Variants in ABCC6 observed in about 807,000 individuals in gnomAD.
ABCC6 encodes ATP-binding cassette sub-family C member 6.
Under a neutral mutation model 169.5 loss-of-function variants are expected in ABCC6, and 126 were observed. The observed-to-expected ratio is 0.74, with a 90% CI of 0.64 to 0.86. ABCC6 has a LOEUF of 0.86. ABCC6 is among the 40% of genes least tolerant of loss of function. The probability of loss-of-function intolerance (pLI) is 0.00; values close to 1 mark genes in which losing one functional copy is unlikely to be tolerated. For missense variants in ABCC6, 1,733 were observed against 1,927.2 expected (o/e 0.90, Z 1.89); for synonymous variants, 752 against 814.7 (o/e 0.92, Z 1.31).
Position 16,178,984 on chromosome 16 carries a change from C to G in ABCC6, c.2248-19G>C, listed in dbSNP as rs191392093. The G allele has an allele frequency of 1.9e-4, 310 of 1,610,962 alleles. No homozygotes were observed. The Middle Eastern group carries it at 2.5e-3, about 13-fold the overall frequency. On this transcript the variant is annotated intron_variant, in intron 17 of 30. Coordinates refer to ENST00000205557, the MANE Select transcript of ABCC6 (RefSeq NM_001171.6). Reference sequence around the variant, plus strand: ...TCATGCCCTGTGGCCACAAAAGGAACAGTGGCCTGAGTCAGCATCTACAGG... The same window carrying G: ...TCATGCCCTGTGGCCACAAAAGGAAGAGTGGCCTGAGTCAGCATCTACAGG...
rs1186406159 is a variant in ABCC6 at position 16,157,753 on chromosome 16, C to G, written c.3792G>C (p.Gln1264His). Reference sequence around the variant, plus strand: ...TTAGCCCAAAGTCCCGGAACTCGATCTGCCCGCCCTGAGGCCAGGGGGGCT... The same window carrying G: ...TTAGCCCAAAGTCCCGGAACTCGATGTGCCCGCCCTGAGGCCAGGGGGGCT... ...AAQPPWPQGG[Q>H]IEFRDFGLRY... The change falls in exon 27 of 31, where the codon CAG becomes CAC. Residue 1264 changes from glutamine (Q) to histidine (H), a missense_variant. By Grantham distance (24) the Gln-to-His change is conservative (BLOSUM62 0). Transcript: ENST00000205557. 1.2e-6 allele frequency: 2 copies of G among 1,613,884 alleles called. No individual in the cohort carries two copies. The highest frequency in any genetic ancestry group is 1.7e-5 in the Admixed American group (1 of 60,020).
intron 25 of ABCC6, 149 bp downstream of exon 25, chr16:16,161,289 C>T: frequency 8.1e-7 from 1 of 1,230,702 alleles, no homozygotes; most frequent in Non-Finnish European, 1.1e-6. Context: ...GAGTCTGGCT[C>T]TTGTAGAGCT....
At position 16,211,416 on chromosome 16, in the gene ABCC6, T is replaced by A. The variant is rs539410995; in HGVS notation, c.662+769A>T. Among the ~76,000 whole-genome samples, 8 of 152,042 alleles carry A rather than the reference T, an allele frequency of 5.3e-5. No homozygotes were observed. In the South Asian group the frequency reaches 6.2e-4, roughly 12 times the overall value. ...AACTCCATCTCAAAAGAAAAAAAAA[T>A]AATTACCACTTAAACTCATTATTTG... On this transcript the variant is annotated intron_variant, in intron 6 of 30. Transcript: ENST00000205557.
intron 27 of ABCC6, chr16:16,155,336 A>C: frequency 4.2e-6 from 2 of 470,884 alleles, no homozygotes; most frequent in Non-Finnish European, 7.6e-6. Context: ...ATCATCTCTC[A>C]TCCTTTTTTC....
chr16:16,210,462 G>A (rs1000295692), intron 6 of ABCC6, among the ~76,000 whole-genome samples: 27 of 152,272 alleles, frequency 1.8e-4, no homozygotes, highest in Non-Finnish European at 2.2e-4. Flanking sequence ...CTAATGCAGA[G>A]CCAACTTGGG....
intron 22 of ABCC6, 122 bp downstream of exon 22, chr16:16,169,524 C>G: frequency 8.5e-7 from 1 of 1,174,636 alleles, no homozygotes; most frequent in Admixed American, 2.0e-5. Flanking sequence ...GCCTGGACCC[C>G]AGACGTTTTG....
At chr16:16,187,871 T>G (rs889671586) in intron 13 of ABCC6, among the ~76,000 whole-genome samples, 1 of 151,622 alleles carries the variant, frequency 6.6e-6, no homozygotes, top group Non-Finnish European at 1.5e-5. Flanking sequence ...CACTCCAGCC[T>G]GGGTGACAGA....
intron 24 of ABCC6, among the ~76,000 whole-genome samples, 190 bp from the exon 25 acceptor site, chr16:16,161,754 G>A (rs1364516854): frequency 1.3e-5 from 2 of 152,064 alleles, no homozygotes; most frequent in Non-Finnish European, 2.9e-5. Context: ...CCCACTTTAG[G>A]GTCTGGGGTA....
At chr16:16,157,508 G>A (rs2046587708) in intron 27 of ABCC6, among the ~76,000 whole-genome samples, 155 bp downstream of exon 27, 1 of 152,188 alleles carries the variant, frequency 6.6e-6, no homozygotes, top group Non-Finnish European at 1.5e-5. Flanking sequence ...TTTGGGGAAG[G>A]TGAGGAGTTC....
chr16:16,189,015 G>T (rs769169683), intron 12 of ABCC6, 41 bp from the exon 13 acceptor site: 3 of 1,610,214 alleles, frequency 1.9e-6, no homozygotes, highest in Non-Finnish European at 2.5e-6. Context: ...AGTGAGACAC[G>T]CAAGCATGGA....
chr16:16,192,693 T>G (rs2047902259), intron 11 of ABCC6, 137 bp downstream of exon 11: 1 of 786,376 alleles, frequency 1.3e-6, no homozygotes, highest in African/African-American at 1.7e-5. Context: ...GTCTGAGTGA[T>G]GGGCAGCTCA....
intron 7 of ABCC6, among the ~76,000 whole-genome samples, chr16:16,206,347 G>T (rs144396364): frequency 6.6e-6 from 1 of 152,094 alleles, no homozygotes; most frequent in Non-Finnish European, 1.5e-5. Context: ...GGTGGAGGCC[G>T]GGCACGGTGG....
Position 16,163,168 on chromosome 16 carries a change from G to T in ABCC6, c.3331C>A (p.Gln1111Lys). The change falls in exon 24 of 31, where the codon CAG becomes AAG. Residue 1111 changes from glutamine to lysine, a missense_variant. Around this residue, in one of 5 missense-constraint regions of ABCC6, gnomAD observed 1,601 missense variants for 1,635.5 expected, o/e 0.98. Transcript: ENST00000205557. ...CTGGCTGACTCCAAGCGTCTCAGCT[G>T]GCATGAGCTAACCACATACAGGCTC... is the stretch of plus-strand genomic sequence containing the variant. ...FQSLYVVSSC[Q>K]LRRLESASYS... The T allele has an allele frequency of 6.2e-7, 1 of 1,613,574 alleles. No homozygotes were observed.
At chr16:16,161,115 C>G (rs537811905) in intron 25 of ABCC6, among the ~76,000 whole-genome samples, 1 of 152,290 alleles carries the variant, frequency 6.6e-6, no homozygotes, top group South Asian at 2.1e-4. Flanking sequence ...CAAAACAAAA[C>G]AAAAGTTAAC....
intron 23 of ABCC6, among the ~76,000 whole-genome samples, chr16:16,163,519 G>A (rs753242351): frequency 1.2e-4 from 19 of 152,160 alleles, no homozygotes; most frequent in Non-Finnish European, 2.2e-4. Context: ...GACAGCCAGG[G>A]TTGAGAAACC....
rs1489592450 is a variant in ABCC6, at chr16:16,157,809, C to G, written c.3736G>C (p.Ala1246Pro). 1 of 1,609,848 alleles carries G rather than the reference C, an allele frequency of 6.2e-7. No homozygotes were observed. The highest frequency in any genetic ancestry group is 1.7e-5 in the Admixed American group (1 of 59,966). Residue 1246 changes from alanine (A) to proline (P), a missense_variant and splice_region_variant, in exon 27 of 31, where the codon GCT becomes CCT. Physicochemically the swap from Ala to Pro is conservative, Grantham distance 27. This residue lies in a region of ABCC6 where 1,601 missense variants were observed against 1,635.5 expected (regional missense o/e 0.98). Coordinates refer to ENST00000205557, the MANE Select transcript of ABCC6 (RefSeq NM_001171.6). ...GCACATGTGGGCAGCCTCCAGGGAGCCTGGAGCAGGAGGGGAAACTGAGTC... is the reference window on the plus strand; with the variant it reads ...GCACATGTGGGCAGCCTCCAGGGAGGCTGGAGCAGGAGGGGAAACTGAGTC... Reference protein sequence around the residue: ...MQDYAWTPKEAPWRLPTCAAQ... With the variant: ...MQDYAWTPKEPPWRLPTCAAQ...
rs1004385141 is a variant in ABCC6, at chr16:16,196,753, G to C, written c.1338+1268C>G. Among the ~76,000 whole-genome samples, 22 of 152,174 alleles carry C rather than the reference G, an allele frequency of 1.4e-4. 1 individual carries two copies. The highest frequency in any genetic ancestry group is 5.1e-4 in the African/African-American group (21 of 41,434). On this transcript the variant is annotated intron_variant, in intron 10 of 30. Transcript: ENST00000205557. ...GTCTCACTCTGTCACCCAGGCTGGAGTGCAGTGGCATTATCTCAGCTCACT... is the reference window on the plus strand; with the variant it reads ...GTCTCACTCTGTCACCCAGGCTGGACTGCAGTGGCATTATCTCAGCTCACT...
In ABCC6 at chr16:16,157,742, C is replaced by T. The variant is rs2238472; in HGVS notation, c.3803G>A (p.Arg1268Gln). ...AGGTCGGTATCTTAGCCCAAAGTCC[C>T]GGAACTCGATCTGCCCGCCCTGAGG... ...PWPQGGQIEF[R>Q]DFGLRYRPEL... Residue 1268 changes from arginine (R) to glutamine (Q), a missense_variant, in exon 27 of 31, where the codon CGG becomes CAG. By Grantham distance (43) the Arg-to-Gln change is conservative. This residue lies in a region of ABCC6 where 1,601 missense variants were observed against 1,635.5 expected (regional missense o/e 0.98). Transcript: ENST00000205557. 426,802 of 1,613,528 alleles carry T rather than the reference C, an allele frequency of 0.26. 59,383 individuals carry two copies. Among genetic ancestry groups the T allele is most frequent in the Admixed American group, 0.3 (18,223 of 59,958 alleles).
At position 16,208,800 on chromosome 16, in the gene ABCC6, C is replaced by G. The variant is rs767470535; in HGVS notation, c.722G>C (p.Arg241Thr). Residue 241 changes from arginine (R) to threonine (T), a missense_variant, in exon 7 of 31, where the codon AGA becomes ACA. This residue lies in a region of ABCC6 where 1,601 missense variants were observed against 1,635.5 expected (regional missense o/e 0.98). Transcript: ENST00000205557. ...AACAAGTTCTTCTGAGGAGTTTTCT[C>G]TCCCAAGCGACCAGAGGTCTTTTGG... ...LRPKDLWSLG[R>T]ENSSEELVSR... The G allele has an allele frequency of 1.9e-6, 3 of 1,613,404 alleles. No individual in the cohort carries two copies. Among genetic ancestry groups the G allele is most frequent in the Non-Finnish European group, 2.5e-6 (3 of 1,179,780 alleles).
Sources: allele counts gnomAD v4.1 joint callset (sites outside exome capture counted in the v4.1 genomes callset), GRCh38; gene constraint gnomAD v4.1.1; regional missense constraint gnomAD v4.1.1; transcripts MANE v1.5; gene names NCBI Gene and HGNC (gene_info 2026-07-23, HGNC 2026-07-21).